WNK1: variants seen among roughly 807,000 people sequenced by gnomAD.
The protein encoded by WNK1 is WNK lysine deficient protein kinase 1.
Under a neutral mutation model 222.8 loss-of-function variants are expected in WNK1, and 38 were observed. That is an observed-to-expected ratio of 0.17 (90% CI 0.13 to 0.22). The LOEUF (loss-of-function observed/expected upper bound fraction) is 0.22, where lower values mean the gene tolerates loss of function less well. Ranked by LOEUF, WNK1 falls within the 10% of genes least tolerant of loss-of-function variation. The pLI, the probability that WNK1 is intolerant of heterozygous loss-of-function variation, is 1.00. For synonymous variants in WNK1, 1,090 were observed against 1,092.9 expected (o/e 1.00, Z 0.05); for missense variants, 2,348 against 2,918.4 (o/e 0.80, Z 4.50).
At chr12:776,982 A>G (rs1943176801) in intron 1 of WNK1, among the ~76,000 whole-genome samples, 1 of 152,200 alleles carries the variant, frequency 6.6e-6, no homozygotes, top group Non-Finnish European at 1.5e-5. Flanking sequence ...GAAGATAAAA[A>G]GACTGTACTA....
In WNK1 at chr12:908,799, A is replaced by G; in HGVS notation, c.*7A>G. The stretch of plus-strand genomic sequence containing the variant: ...CAACCTGCGGACCACTTAGACCTAG[A>G]GACATTAACTGAATAGATCTGGGGG... On this transcript the variant is annotated 3_prime_UTR_variant, in exon 28 of 28. Transcript: ENST00000315939. 1 of 1,430,466 alleles carries G rather than the reference A, an allele frequency of 7.0e-7. No individual in the cohort carries two copies. Among genetic ancestry groups the G allele is most frequent in the Non-Finnish European group, 9.4e-7 (1 of 1,066,884 alleles). The allele number at this position is 1,430,466 out of a possible 1,614,324, so 88.6% of individuals were successfully genotyped here.
intron 1 of WNK1, among the ~76,000 whole-genome samples, chr12:787,429 C>G (rs1944417078): frequency 6.6e-6 from 1 of 152,106 alleles, no homozygotes; most frequent in Admixed American, 6.5e-5. Context: ...GTACCTACTT[C>G]ACAGAGGTGT....
At position 871,280 on chromosome 12, in the gene WNK1, C is replaced by G; in HGVS notation, c.2155C>G (p.Gln719Glu). The G allele has an allele frequency of 6.2e-7, 1 of 1,614,174 alleles. No individual in the cohort carries two copies. Among genetic ancestry groups the G allele is most frequent in the Non-Finnish European group, 8.5e-7 (1 of 1,180,032 alleles). Residue 719 changes from glutamine to glutamate, a missense_variant, in exon 9 of 28, where the codon CAG becomes GAG. Coordinates refer to ENST00000315939, the MANE Select transcript of WNK1 (RefSeq NM_018979.4). ...PPSSVAQGQSQGQPSSSSLTG... is the reference protein window; with the variant it reads ...PPSSVAQGQSEGQPSSSSLTG... The stretch of plus-strand genomic sequence containing the variant: ...TTTCCTTCAGGCACAGGGGCAGAGC[C>G]AGGGTCAGCCATCCTCAAGTAGCTT...
At chr12:833,169 G>A (rs949028844) in intron 4 of WNK1, among the ~76,000 whole-genome samples, 1 of 152,056 alleles carries the variant, frequency 6.6e-6, no homozygotes, top group Non-Finnish European at 1.5e-5. Flanking sequence ...TCTTGCTTCA[G>A]AATACCTCTT....
chr12:907,670 CTAT>C (rs1955822281), intron 26 of WNK1, 174 bp from the exon 27 acceptor site: 1 of 780,970 alleles, frequency 1.3e-6, no homozygotes, highest in Non-Finnish European at 2.2e-6. Context: ...TTTCATCACC[CTAT>C]TATACCAAAA....
intron 1 of WNK1, among the ~76,000 whole-genome samples, chr12:759,632 T>G (rs1329753030): frequency 4.1e-5 from 6 of 148,112 alleles, no homozygotes; most frequent in Admixed American, 1.3e-4. Flanking sequence ...CTCAGCCGTT[T>G]TGTTTTGTTT....
intron 25 of WNK1, among the ~76,000 whole-genome samples, chr12:898,862 C>T (rs747287564): frequency 3.9e-5 from 6 of 152,064 alleles, no homozygotes; most frequent in Non-Finnish European, 7.4e-5. Flanking sequence ...GCCTCAGCCC[C>T]GCATAGTAGC....
At chr12:789,828 A>G (rs1229242650) in intron 1 of WNK1, among the ~76,000 whole-genome samples, 6 of 152,232 alleles carry the variant, frequency 3.9e-5, no homozygotes, top group African/African-American at 1.4e-4. Context: ...ATTTCAGGCT[A>G]ATGCCCCTTA....
In WNK1 at chr12:879,960, T is replaced by G; in HGVS notation, c.2761T>G (p.Ser921Ala). ...HPQLLQPAVQ[S>A]MGIPANLGQA... ...ACAGCTCCTACAACCAGCAGTTCAGTCCATGGGAATACCAGCTAACCTTGG... is the reference window on the plus strand; with the variant it reads ...ACAGCTCCTACAACCAGCAGTTCAGGCCATGGGAATACCAGCTAACCTTGG... Residue 921 changes from serine to alanine, a missense_variant, in exon 11 of 28, where the codon TCC becomes GCC. Ser to Ala is a moderately conservative substitution (Grantham distance 99). Coordinates refer to ENST00000315939, the MANE Select transcript of WNK1 (RefSeq NM_018979.4). The G allele has an allele frequency of 1.2e-6, 2 of 1,614,160 alleles. No individual in the cohort carries two copies. Among genetic ancestry groups the G allele is most frequent in the Non-Finnish European group, 1.7e-6 (2 of 1,180,020 alleles).
At chr12:766,560 C>A (rs1428330526) in intron 1 of WNK1, among the ~76,000 whole-genome samples, 1 of 151,694 alleles carries the variant, frequency 6.6e-6, no homozygotes, top group Non-Finnish European at 1.5e-5. Context: ...CTCACTGCAA[C>A]CTCCGCCTCC....
intron 1 of WNK1, among the ~76,000 whole-genome samples, chr12:810,799 A>G (rs903634015): frequency 6.6e-6 from 1 of 152,218 alleles, no homozygotes; most frequent in Non-Finnish European, 1.5e-5. Context: ...AAGAAATTAC[A>G]TCAGTGGATA....
chr12:879,512 GCTTT>G, intron 10 of WNK1, 57 bp from the exon 11 acceptor site: 1 of 735,648 alleles, frequency 1.4e-6, no homozygotes, highest in Non-Finnish European at 1.8e-6. Context: ...TGGCAGCCTT[GCTTT>G]TTTTTTTTTT....
rs72650744 is a variant in WNK1 at position 888,069 on chromosome 12, G to T, written c.5364+765G>T. 1.2e-3 allele frequency among the ~76,000 whole-genome samples: 177 copies of T among 152,324 alleles called. 1 individual carries two copies. The highest frequency in any genetic ancestry group is 3.9e-3 in the African/African-American group (164 of 41,574). On this transcript the variant is annotated intron_variant, in intron 20 of 27. Transcript: ENST00000315939. ...TAAGAAAAGTACTAATTGTGAATCT[G>T]TTGTGACCAGGAAAAATCTTCTGAC...
intron 1 of WNK1, among the ~76,000 whole-genome samples, chr12:801,423 T>TTGTGTGTGTGTGTGTG (rs367875366): frequency 6.3e-5 from 9 of 143,878 alleles, no homozygotes; most frequent in African/African-American, 2.3e-4. Flanking sequence ...CTTTTTTTCT[T>TTGTGTGTGTGTGTGTG]TGTGTGTGTG....
At chr12:850,862 C>T (rs952849469) in intron 4 of WNK1, among the ~76,000 whole-genome samples, 6 of 152,082 alleles carry the variant, frequency 3.9e-5, no homozygotes, top group Non-Finnish European at 7.4e-5. Flanking sequence ...TCAGGTTTGT[C>T]AAAGATCAGA....
rs1470373729 is a variant in WNK1, at chr12:884,347, A to G, written c.3844+104A>G. On this transcript the variant is annotated intron_variant, in intron 18 of 27. Transcript: ENST00000315939. This position sits in a 1 kb window ranked among gnomAD's most constrained non-coding sequence, Gnocchi z 5.6. ...TAATTTATGATGACACAGATAATAA[A>G]AAAGAATAGAAAACTGAAGTTATAA... 94 of 1,530,002 alleles carry G rather than the reference A, an allele frequency of 6.1e-5. No individual in the cohort carries two copies. The highest frequency in any genetic ancestry group is 7.9e-5 in the Non-Finnish European group (88 of 1,111,378). The allele number at this position is 1,530,002 out of a possible 1,614,324, so 94.8% of individuals were successfully genotyped here.
chr12:844,024 CATT>C lies in WNK1; in HGVS notation c.1312-13134_1312-13132del, dbSNP rs201334451. Among the ~76,000 whole-genome samples, 1,466 of 152,140 alleles carry C rather than the reference CATT, an allele frequency of 9.6e-3. 25 individuals are homozygous for C. Among genetic ancestry groups the C allele is most frequent in the African/African-American group, 0.033 (1,384 of 41,506 alleles). ...GTCATTCATGTAAACTTTTAAGTAG[CATT>C]ATAAGTAACCAATTTGACTTAAAAA... On this transcript the variant is annotated intron_variant, in intron 4 of 27. Coordinates refer to ENST00000315939, the MANE Select transcript of WNK1 (RefSeq NM_018979.4).
chr12:790,755 A>G (rs1232454120), intron 1 of WNK1, among the ~76,000 whole-genome samples: 2 of 152,082 alleles, frequency 1.3e-5, no homozygotes, highest in Non-Finnish European at 2.9e-5. Flanking sequence ...ATAGCCTGTT[A>G]TTTTGTTTAG....
At chr12:797,904 G>A (rs560795581) in intron 1 of WNK1, among the ~76,000 whole-genome samples, 6 of 146,706 alleles carry the variant, frequency 4.1e-5, no homozygotes, top group African/African-American at 7.6e-5. Flanking sequence ...AGCCGAGATC[G>A]CACCACTGCA....
Sources: gnomAD v4.1 joint callset for allele counts (sites outside exome capture counted in the v4.1 genomes callset) on GRCh38, gnomAD v4.1.1 for gene constraint, Gnocchi (gnomAD v3.1) non-coding constraint, MANE v1.5 for transcripts, NCBI Gene and HGNC (gene_info 2026-07-23, HGNC 2026-07-21) for gene names.